The following C11orf16 variants were observed in gnomAD, a reference collection of about 807,000 sequenced individuals.
C11orf16 encodes uncharacterized protein C11orf16.
Under a neutral mutation model 45.1 loss-of-function variants are expected in C11orf16, and 38 were observed. The ratio of observed to expected loss-of-function variants is 0.84; its 90% CI spans 0.65 to 1.10. The LOEUF (loss-of-function observed/expected upper bound fraction) is 1.10, where lower values mean the gene tolerates loss of function less well. C11orf16 is among the 50% of genes least tolerant of loss of function. C11orf16 has a pLI of 0.00. For synonymous variants in C11orf16, 221 were observed against 222.0 expected, an observed-to-expected ratio of 1.00 and a Z score of 0.04; for missense variants, 583 against 569.5, an observed-to-expected ratio of 1.02 and a Z score of -0.24.
intron 4 of C11orf16, 73 bp downstream of exon 4, chr11:8,926,867 T>C: frequency 8.0e-7 from 1 of 1,250,878 alleles, no homozygotes. Context: ...AGACGCAGCC[T>C]TGGCTCTCTC....
At chr11:8,928,127 C>T (rs1411556076) in intron 3 of C11orf16, among the ~76,000 whole-genome samples, 1 of 151,862 alleles carries the variant, frequency 6.6e-6, no homozygotes, top group Admixed American at 6.6e-5. Flanking sequence ...AGGCTGGTCT[C>T]GAATTTCTGA....
At chr11:8,931,524 G>A (rs2064650142) in intron 2 of C11orf16, among the ~76,000 whole-genome samples, 1 of 152,152 alleles carries the variant, frequency 6.6e-6, no homozygotes, top group Non-Finnish European at 1.5e-5. Flanking sequence ...TGAGTAGCTG[G>A]GATTACAGTC....
intron 5 of C11orf16, 96 bp downstream of exon 5, chr11:8,925,367 G>T: frequency 9.1e-7 from 1 of 1,102,552 alleles, no homozygotes; most frequent in Non-Finnish European, 1.3e-6. Context: ...CCAACAGAGT[G>T]GACACGTGCA....
In C11orf16 at chr11:8,925,866, G is replaced by T; in HGVS notation, c.801C>A (p.Leu267=). 1 of 1,614,232 alleles carries T rather than the reference G, an allele frequency of 6.2e-7. No individual in the cohort carries two copies. Among genetic ancestry groups the T allele is most frequent in the Non-Finnish European group, 8.5e-7 (1 of 1,180,044 alleles). Residue 267 remains leucine, a synonymous_variant, in exon 5 of 7, where the codon CTC becomes CTA. Coordinates refer to ENST00000326053, the MANE Select transcript of C11orf16 (RefSeq NM_020643.3). ...LPPDAPFLCP[L]CHHHACCQLL... ...GCTGGCAGCAGGCATGATGGTGGCA[G>T]AGAGGGCACAGGAATGGAGCATCCG... is the stretch of plus-strand genomic sequence containing the variant.
At chr11:8,931,044 A>G (rs751865382) in intron 2 of C11orf16, among the ~76,000 whole-genome samples, 2 of 152,150 alleles carry the variant, frequency 1.3e-5, no homozygotes, top group Non-Finnish European at 2.9e-5. Flanking sequence ...CCACATGTGT[A>G]TATAGGGCTG....
At chr11:8,927,694 C>T (rs763829547) in intron 3 of C11orf16, 4 of 456,054 alleles carry the variant, frequency 8.8e-6, no homozygotes, top group South Asian at 1.5e-5. Flanking sequence ...TTGCAGTCAA[C>T]GAGGAAAGGG....
chr11:8,922,551 C>G (rs1044756447), intron 5 of C11orf16, among the ~76,000 whole-genome samples: 1 of 152,198 alleles, frequency 6.6e-6, no homozygotes, highest in African/African-American at 2.4e-5. Flanking sequence ...ACAATCTGGC[C>G]TCCCTAGGAC....
chr11:8,929,249 A>T (rs2064634632), intron 3 of C11orf16, 128 bp downstream of exon 3: 1 of 972,334 alleles, frequency 1.0e-6, no homozygotes, highest in South Asian at 1.7e-5. Context: ...CACTTCTACA[A>T]CATGGCCATG....
chr11:8,927,174 G>A lies in C11orf16; in HGVS notation c.325C>T (p.Leu109=). 1 of 1,611,794 alleles carries A rather than the reference G, an allele frequency of 6.2e-7. No individual in the cohort carries two copies. The highest frequency in any genetic ancestry group is 8.5e-7 in the Non-Finnish European group (1 of 1,178,406). ...ACAAGCAGGACCCCCTGTCTCTCCA[G>A]CTGTGGGAAAGAAAACACTCAGAAT... The part of the protein sequence containing the change: ...YRAQIKATPE[L]ERQGVLLVEF... The change falls in exon 4 of 7, where the codon CTG becomes TTG. Residue 109 remains leucine (L), a splice_region_variant and synonymous_variant. Transcript: ENST00000326053.
chr11:8,926,643 C>G (rs527939748), intron 4 of C11orf16, among the ~76,000 whole-genome samples: 1 of 152,148 alleles, frequency 6.6e-6, no homozygotes, highest in African/African-American at 2.4e-5. Context: ...CCCTGGAGGA[C>G]CTGGTGAGGG....
At chr11:8,926,188 T>C in intron 4 of C11orf16, 81 bp from the exon 5 acceptor site, 1 of 784,938 alleles carries the variant, frequency 1.3e-6, no homozygotes, top group Non-Finnish European at 1.7e-6. Context: ...TTCTTTTCTT[T>C]TTTTTTTTTT....
intron 5 of C11orf16, among the ~76,000 whole-genome samples, chr11:8,923,589 C>T (rs960405536): frequency 1.3e-5 from 2 of 152,088 alleles, no homozygotes; most frequent in African/African-American, 4.8e-5. Context: ...TCATTTCTTT[C>T]GAATGGAGAA....
At chr11:8,922,790 C>G (rs2064584072) in intron 5 of C11orf16, among the ~76,000 whole-genome samples, 1 of 152,166 alleles carries the variant, frequency 6.6e-6, no homozygotes, top group Non-Finnish European at 1.5e-5. Context: ...GATACAAAAC[C>G]TGGAGGGGAG....
chr11:8,927,996 C>T (rs978611111), intron 3 of C11orf16, among the ~76,000 whole-genome samples: 2 of 152,114 alleles, frequency 1.3e-5, no homozygotes, highest in African/African-American at 4.8e-5. Context: ...CAACCTCTGC[C>T]TCCTGGGTTC....
intron 5 of C11orf16, among the ~76,000 whole-genome samples, chr11:8,923,024 T>G (rs2653599): frequency 0.02 from 3,082 of 152,328 alleles, 78 homozygotes; most frequent in East Asian, 0.083. Context: ...GATCCAGTAT[T>G]TAACAGGAAA....
intron 4 of C11orf16, among the ~76,000 whole-genome samples, chr11:8,926,463 C>T (rs1356420615): frequency 6.6e-6 from 1 of 152,166 alleles, no homozygotes; most frequent in Non-Finnish European, 1.5e-5. Context: ...ACCATAGTTA[C>T]CTCCACTTCC....
chr11:8,932,360 G>A, intron 1 of C11orf16, 34 bp from the exon 2 acceptor site: 1 of 1,510,294 alleles, frequency 6.6e-7, no homozygotes, highest in Non-Finnish European at 8.8e-7. Context: ...CTGAGCTGCA[G>A]CTTGAAGCAA....
chr11:8,930,881 C>G (rs563709575), intron 2 of C11orf16, among the ~76,000 whole-genome samples: 2 of 152,236 alleles, frequency 1.3e-5, no homozygotes, highest in South Asian at 4.2e-4. Context: ...TTGTTGGCAT[C>G]TAAAGTCCCA....
rs368696678 is a variant in C11orf16 at position 8,927,005 on chromosome 11, G to C, written c.494C>G (p.Pro165Arg). 1.5e-5 allele frequency: 24 copies of C among 1,613,924 alleles called. No individual in the cohort carries two copies. The highest frequency in any genetic ancestry group is 3.3e-5 in the Admixed American group (2 of 60,000). The change falls in exon 4 of 7, where the codon CCA (proline) becomes CGA (arginine). Residue 165 changes from proline (P) to arginine (R), a missense_variant. Pro to Arg is a moderately radical substitution (Grantham distance 103). Coordinates refer to ENST00000326053, the MANE Select transcript of C11orf16 (RefSeq NM_020643.3). Reference sequence around the variant, plus strand: ...GCCAGGGCCATACTGCTGTTGGCCTGGCTCCCAGAGTGCCAGCACCTTATC... The same window carrying C: ...GCCAGGGCCATACTGCTGTTGGCCTCGCTCCCAGAGTGCCAGCACCTTATC... ...PGDKVLALWE[P>R]GQQQYGPGTV...
Sources: gnomAD v4.1 joint callset for allele counts (sites outside exome capture counted in the v4.1 genomes callset) on GRCh38, gnomAD v4.1.1 for gene constraint, MANE v1.5 for transcripts, NCBI Gene and HGNC (gene_info 2026-07-23, HGNC 2026-07-21) for gene names.